PRKAA2: variants seen among roughly 807,000 people sequenced by gnomAD.
PRKAA2 encodes 5'-AMP-activated protein kinase catalytic subunit alpha-2.
PRKAA2 carries 40 observed loss-of-function variants against 56.3 expected under a neutral mutation model. The observed-to-expected ratio is 0.71, with a 90% CI of 0.55 to 0.92. The LOEUF (loss-of-function observed/expected upper bound fraction) is 0.92. PRKAA2 is among the 40% of genes least tolerant of loss of function. PRKAA2 has a pLI of 0.00. For missense variants in PRKAA2, 542 were observed against 686.9 expected, an observed-to-expected ratio of 0.79 and a Z score of 2.36; for synonymous variants, 214 against 234.2, an observed-to-expected ratio of 0.91 and a Z score of 0.79.
At chr1:56,703,313 A>C (rs1047060311) in intron 6 of PRKAA2, among the ~76,000 whole-genome samples, 6 of 152,214 alleles carry the variant, frequency 3.9e-5, no homozygotes, top group African/African-American at 1.4e-4. Flanking sequence ...GAAAATATGT[A>C]ATTTACTTAA....
intron 2 of PRKAA2, among the ~76,000 whole-genome samples, chr1:56,681,432 A>G (rs1222113126): frequency 2.0e-5 from 3 of 152,168 alleles, no homozygotes; most frequent in Non-Finnish European, 2.9e-5. Context: ...GACCTTGCCC[A>G]TGCCTATGTC....
Position 56,703,994 on chromosome 1 carries a change from A to G in PRKAA2, c.812A>G (p.Asp271Gly), listed in dbSNP as rs1258735622. The change falls in exon 7 of 9, where the codon GAT becomes GGT. Residue 271 changes from aspartate (D) to glycine (G), a missense_variant. Transcript: ENST00000371244. ...AGAGAGCATGAATGGTTTAAACAAG[A>G]TTTGCCCAGTTACTTATTTCCTGAA... Reference protein sequence around the residue: ...DIREHEWFKQDLPSYLFPEDP... With the variant: ...DIREHEWFKQGLPSYLFPEDP... 6.2e-7 allele frequency: 1 copy of G among 1,610,660 alleles called. No homozygotes were observed. Among genetic ancestry groups the G allele is most frequent in the African/African-American group, 1.3e-5 (1 of 74,972 alleles).
At chr1:56,680,146 C>T (rs1372672946) in intron 2 of PRKAA2, among the ~76,000 whole-genome samples, 1 of 152,070 alleles carries the variant, frequency 6.6e-6, no homozygotes, top group Non-Finnish European at 1.5e-5. Context: ...ACACCCTAAC[C>T]CCCACATTGT....
chr1:56,653,023 A>G (rs976110076), intron 1 of PRKAA2, among the ~76,000 whole-genome samples: 1 of 152,148 alleles, frequency 6.6e-6, no homozygotes, highest in Admixed American at 6.5e-5. Flanking sequence ...ATGGAAGATG[A>G]ATGAAACAAG....
chr1:56,656,907 C>T (rs1446513273), intron 1 of PRKAA2, among the ~76,000 whole-genome samples: 2 of 152,164 alleles, frequency 1.3e-5, no homozygotes, highest in African/African-American at 4.8e-5. Context: ...GAATCCAAGA[C>T]CACTGATGGT....
chr1:56,654,129 T>G (rs1310803487), intron 1 of PRKAA2, among the ~76,000 whole-genome samples: 1 of 152,160 alleles, frequency 6.6e-6, no homozygotes, highest in Non-Finnish European at 1.5e-5. Flanking sequence ...AACTTTATCT[T>G]AACATATCCA....
intron 1 of PRKAA2, among the ~76,000 whole-genome samples, chr1:56,656,817 G>T (rs1417217511): frequency 2.6e-5 from 4 of 152,146 alleles, no homozygotes; most frequent in Non-Finnish European, 5.9e-5. Context: ...CTGTGTTTCT[G>T]TCCTAAGTTC....
chr1:56,704,606 C>A (rs1644319364), intron 7 of PRKAA2, 131 bp downstream of exon 7: 1 of 1,035,752 alleles, frequency 9.7e-7, no homozygotes, highest in Non-Finnish European at 1.4e-6. Flanking sequence ...AAAAACAAAA[C>A]AAATAACCTC....
intron 1 of PRKAA2, among the ~76,000 whole-genome samples, chr1:56,662,190 T>G (rs1643999225): frequency 2.0e-5 from 3 of 152,240 alleles, no homozygotes; most frequent in Middle Eastern, 6.8e-3. Context: ...AGAAAGTGCC[T>G]TCTTAAGATG....
intron 2 of PRKAA2, among the ~76,000 whole-genome samples, chr1:56,681,688 G>A (rs1644156247): frequency 1.3e-5 from 2 of 152,128 alleles, no homozygotes; most frequent in Non-Finnish European, 2.9e-5. Context: ...TTATTTCTGA[G>A]GCCTCTGCTC....
intron 1 of PRKAA2, among the ~76,000 whole-genome samples, chr1:56,674,149 A>T (rs1405065006): frequency 2.0e-5 from 3 of 152,180 alleles, no homozygotes; most frequent in Non-Finnish European, 4.4e-5. Context: ...ACAAATAGGA[A>T]CGTCTCTGTT....
At chr1:56,654,011 A>T (rs1643923177) in intron 1 of PRKAA2, among the ~76,000 whole-genome samples, 1 of 152,076 alleles carries the variant, frequency 6.6e-6, no homozygotes, top group Non-Finnish European at 1.5e-5. Context: ...ATTTAGTATG[A>T]ATGGGTCATT....
rs1438478464 is a variant in PRKAA2 at position 56,693,867 on chromosome 1, A to C, written c.563+15A>C. 1 of 1,520,148 alleles carries C rather than the reference A, an allele frequency of 6.6e-7. No homozygotes were observed. Among genetic ancestry groups the C allele is most frequent in the Non-Finnish European group, 9.0e-7 (1 of 1,107,824 alleles). 94.2% of individuals were successfully genotyped at this position (1,520,148 alleles called of 1,614,324 possible). On this transcript the variant is annotated intron_variant, in intron 5 of 8. Transcript: ENST00000371244. The stretch of plus-strand genomic sequence containing the variant: ...ATCTCAGGCAGGTAATAATCAGTGA[A>C]GCATAAGCTTTTTGTAATCTTGTGT...
At chr1:56,682,727 A>C (rs1036886241) in intron 2 of PRKAA2, among the ~76,000 whole-genome samples, 8 of 152,192 alleles carry the variant, frequency 5.3e-5, no homozygotes. Flanking sequence ...AGCTATTGCT[A>C]TAGTCTACCT....
chr1:56,692,625 A>C, intron 4 of PRKAA2, 123 bp downstream of exon 4: 2 of 924,076 alleles, frequency 2.2e-6, no homozygotes, highest in South Asian at 2.8e-5. Flanking sequence ...AATTAGCTGA[A>C]ATCTCCTCAG....
At chr1:56,659,927 G>C (rs1482701000) in intron 1 of PRKAA2, among the ~76,000 whole-genome samples, 1 of 152,102 alleles carries the variant, frequency 6.6e-6, no homozygotes, top group East Asian at 1.9e-4. Flanking sequence ...AAATAAAGCA[G>C]AATACAGCAT....
At chr1:56,701,725 TA>T (rs1644294762) in intron 6 of PRKAA2, among the ~76,000 whole-genome samples, 1 of 151,816 alleles carries the variant, frequency 6.6e-6, no homozygotes, top group Non-Finnish European at 1.5e-5. Context: ...CCATCTCTAC[TA>T]AAAAAATACA....
intron 2 of PRKAA2, among the ~76,000 whole-genome samples, chr1:56,675,123 T>C (rs1644104223): frequency 6.6e-6 from 1 of 152,106 alleles, no homozygotes; most frequent in African/African-American, 2.4e-5. Context: ...GATAAATAGA[T>C]TATTTTAAAA....
At chr1:56,684,249 G>C (rs1203917476) in intron 2 of PRKAA2, among the ~76,000 whole-genome samples, 2 of 151,966 alleles carry the variant, frequency 1.3e-5, no homozygotes, top group Non-Finnish European at 2.9e-5. Flanking sequence ...GGGATGTTAG[G>C]GGGGTGGTTT....
Sources: gnomAD v4.1 joint callset for allele counts (sites outside exome capture counted in the v4.1 genomes callset) on GRCh38, gnomAD v4.1.1 for gene constraint, MANE v1.5 for transcripts, NCBI Gene and HGNC (gene_info 2026-07-23, HGNC 2026-07-21) for gene names.